UNC45A: variants seen among roughly 807,000 people sequenced by gnomAD.
The protein encoded by UNC45A is protein unc-45 homolog A.
In UNC45A, 78 loss-of-function variants were observed where a neutral mutation model predicts 103.2. The observed-to-expected ratio is 0.76, with a 90% CI of 0.63 to 0.91. UNC45A has a LOEUF of 0.91. UNC45A is among the 40% of genes least tolerant of loss of function. The pLI, the probability that UNC45A is intolerant of heterozygous loss-of-function variation, is 0.00. For synonymous variants in UNC45A, 495 were observed against 504.6 expected (o/e 0.98, Z 0.25); for missense variants, 1,193 against 1,224.8 (o/e 0.97, Z 0.39).
chr15:90,944,431 G>A (rs2036457412), intron 8 of UNC45A, among the ~76,000 whole-genome samples: 1 of 152,072 alleles, frequency 6.6e-6, no homozygotes, highest in African/African-American at 2.4e-5. Context: ...GGCCTTGCAT[G>A]AGCAGGGCCT....
Position 90,953,007 on chromosome 15 carries a change from A to C in UNC45A, c.2382A>C (p.Ala794=), listed in dbSNP as rs761278105. 1 of 1,613,652 alleles carries C rather than the reference A, an allele frequency of 6.2e-7. No homozygotes were observed. The highest frequency in any genetic ancestry group is 1.1e-5 in the South Asian group (1 of 91,088). ...AGGAGCATGAGATGATCCGCCGGGC[A>C]GCCACGGAGTGCATGTGTAACTTGG... is the stretch of plus-strand genomic sequence containing the variant. The part of the protein sequence containing the change: ...MFEEHEMIRR[A]ATECMCNLAM... Residue 794 remains alanine (A), a synonymous_variant, in exon 18 of 20, where the codon GCA becomes GCC. Coordinates refer to ENST00000418476, the MANE Select transcript of UNC45A (RefSeq NM_018671.5).
Position 90,935,301 on chromosome 15 carries a change from C to G in UNC45A, c.-24C>G. On this transcript the variant is annotated 5_prime_UTR_variant, in exon 1 of 20. Transcript: ENST00000418476. ...CCCCGCCCCAGAGACTGCGCCTGCG[C>G]GGGCACGAGACAACCTCTCCGCGAT... 6.3e-7 allele frequency: 1 copy of G among 1,594,810 alleles called. No homozygotes were observed.
Position 90,951,991 on chromosome 15 carries a change from CTACATCCTAATTT to C in UNC45A, c.2304-936_2304-924del, listed in dbSNP as rs550318154. On this transcript the variant is annotated intron_variant, in intron 17 of 19. Transcript: ENST00000418476. ...TCACCATCACGACCACCCTGGTCTT[CTACATCCTAATTT>C]TGAGCATTTCCCACAATCCTATGCT... Among the ~76,000 whole-genome samples the C allele has an allele frequency of 1.4e-4, 21 of 152,322 alleles. No homozygotes were observed. In the South Asian group the frequency reaches 3.7e-3, roughly 27 times the overall value.
At chr15:90,931,751 G>A, upstream of UNC45A, 1 of 1,614,128 alleles carries the variant, frequency 6.2e-7, no homozygotes, top group South Asian at 1.1e-5. Flanking sequence ...CAGCTTGTCT[G>A]CCAGCTTCAC....
Position 90,953,803 on chromosome 15 carries a change from G to T in UNC45A, c.*87G>T. The T allele has an allele frequency of 6.6e-7, 1 of 1,521,982 alleles. No homozygotes were observed. Among genetic ancestry groups the T allele is most frequent in the Non-Finnish European group, 8.9e-7 (1 of 1,128,502 alleles). The allele number at this position is 1,521,982 out of a possible 1,614,324, so 94.3% of individuals were successfully genotyped here. ...GACGGAAGCAGCTTTGGCTGGTGGTGGCTGGCATGCCCAATACTCTTGCCC... is the reference window on the plus strand; with the variant it reads ...GACGGAAGCAGCTTTGGCTGGTGGTTGCTGGCATGCCCAATACTCTTGCCC... On this transcript the variant is annotated 3_prime_UTR_variant, in exon 20 of 20. Transcript: ENST00000418476.
rs1357447399 is a variant in UNC45A, at chr15:90,945,027, G to C, written c.1163G>C (p.Arg388Thr). 3 of 1,612,924 alleles carry C rather than the reference G, an allele frequency of 1.9e-6. No homozygotes were observed. The African/African-American group carries it at 4.0e-5, about 22-fold the overall frequency. The change falls in exon 9 of 20, where the codon AGG (arginine) becomes ACG (threonine). Residue 388 changes from arginine to threonine, a missense_variant. By Grantham distance (71) the Arg-to-Thr change is moderately conservative. Transcript: ENST00000418476. The part of the protein sequence containing the change: ...LFDDLKCDAE[R>T]ENFHRLCENY... ...GATGACCTCAAGTGTGATGCGGAGAGGGAGAATTTCCACAGACTTTGTGAA... is the reference window on the plus strand; with the variant it reads ...GATGACCTCAAGTGTGATGCGGAGACGGAGAATTTCCACAGACTTTGTGAA...
In UNC45A at chr15:90,939,881, G is replaced by A; in HGVS notation, c.519+58G>A. 13 of 1,407,396 alleles carry A rather than the reference G, an allele frequency of 9.2e-6. No homozygotes were observed. The East Asian group carries it at 2.4e-4, about 26-fold the overall frequency. 87.2% of individuals were successfully genotyped at this position (1,407,396 alleles called of 1,614,324 possible). Reference sequence around the variant, plus strand: ...TCCCACTAGAGCCACCCATCCATAGGCCCCCGAAGCCACTGCTGCCTTGCT... The same window carrying A: ...TCCCACTAGAGCCACCCATCCATAGACCCCCGAAGCCACTGCTGCCTTGCT... On this transcript the variant is annotated intron_variant, in intron 5 of 19. Coordinates refer to ENST00000418476, the MANE Select transcript of UNC45A (RefSeq NM_018671.5).
upstream of UNC45A, chr15:90,934,375 G>A (rs1374070861): frequency 2.5e-6 from 1 of 398,936 alleles, no homozygotes; most frequent in East Asian, 3.6e-5. Flanking sequence ...CAGACCACCC[G>A]GGATGTCCAT....
chr15:90,952,866 A>G (rs913881987), intron 17 of UNC45A, 63 bp from the exon 18 acceptor site: 4 of 1,486,326 alleles, frequency 2.7e-6, no homozygotes, highest in Admixed American at 1.8e-5. Flanking sequence ...ATAGTTCAAC[A>G]TGAGGGTTAG....
At chr15:90,936,184 C>A in intron 3 of UNC45A, 101 bp from the exon 4 acceptor site, 1 of 1,531,476 alleles carries the variant, frequency 6.5e-7, no homozygotes, top group Non-Finnish European at 8.8e-7. Flanking sequence ...CACATTCGTC[C>A]CCCCCACCTT....
chr15:90,949,469 C>T, intron 14 of UNC45A, 26 bp downstream of exon 14: 1 of 1,612,210 alleles, frequency 6.2e-7, no homozygotes, highest in Non-Finnish European at 8.5e-7. Context: ...TAGGAGCCAA[C>T]CTTTCCCAAC....
upstream of UNC45A, chr15:90,931,223 G>T (rs2151347588): frequency 1.9e-6 from 3 of 1,543,650 alleles, no homozygotes; most frequent in African/African-American, 4.1e-5. Flanking sequence ...TATGAATCCT[G>T]TCCGGCCTGA....
intron 5 of UNC45A, among the ~76,000 whole-genome samples, 176 bp from the exon 6 acceptor site, chr15:90,940,130 A>G (rs1343605598): frequency 2.0e-5 from 3 of 152,194 alleles, no homozygotes; most frequent in Admixed American, 6.5e-5. Flanking sequence ...TCCCGAGAGA[A>G]GGCTCTTCCC....
In UNC45A at chr15:90,936,444, G is replaced by A. The variant is rs758006272; in HGVS notation, c.410G>A (p.Gly137Asp). ...CAGGAGGCCTTGCGGAACATCGGGG[G>A]CCAGATTCAGGAGAAGGTATGTGAG... ...VFQEALRNIGGQIQEKVRYMS... is the reference protein window; with the variant it reads ...VFQEALRNIGDQIQEKVRYMS... The change falls in exon 4 of 20, where the codon GGC becomes GAC. Residue 137 changes from glycine (G) to aspartate (D), a missense_variant. Physicochemically the swap from Gly to Asp is moderately conservative, Grantham distance 94. Transcript: ENST00000418476. 9.3e-6 allele frequency: 15 copies of A among 1,613,982 alleles called. No individual in the cohort carries two copies. In the African/African-American group the frequency reaches 1.5e-4, roughly 16 times the overall value.
At position 90,939,749 on chromosome 15, in the gene UNC45A, A is replaced by G. The variant is rs1185640159; in HGVS notation, c.445A>G (p.Thr149Ala). The G allele has an allele frequency of 1.3e-5, 21 of 1,614,090 alleles. No individual in the cohort carries two copies. In the Admixed American group the frequency reaches 3.5e-4, roughly 27 times the overall value. ...TGTCTAGGTGCGATACATGTCCTCG[A>G]CGGATGCCAAAGTGGAACAGATGTT... Reference protein sequence around the residue: ...IQEKVRYMSSTDAKVEQMFQI... With the variant: ...IQEKVRYMSSADAKVEQMFQI... The change falls in exon 5 of 20, where the codon ACG becomes GCG. Residue 149 changes from threonine to alanine, a missense_variant. Physicochemically the swap from Thr to Ala is moderately conservative, Grantham distance 58 (BLOSUM62 0). Coordinates refer to ENST00000418476, the MANE Select transcript of UNC45A (RefSeq NM_018671.5).
chr15:90,947,421 A>C, intron 10 of UNC45A: 1 of 285,894 alleles, frequency 3.5e-6, no homozygotes, highest in East Asian at 7.7e-5. Context: ...TCTCCATCCC[A>C]TAAGGATTTG....
rs1482057677 is a variant in UNC45A at position 90,950,503 on chromosome 15, T to C, written c.2191T>C (p.Tyr731His). 2.5e-6 allele frequency: 4 copies of C among 1,613,958 alleles called. No individual in the cohort carries two copies. The South Asian group carries it at 3.3e-5, about 13-fold the overall frequency. Reference sequence around the variant, plus strand: ...ACAGGTGGGGTGCACATTGCAGATCTATGAGGTGGTCCGGCCCCTCGTCTC... The same window carrying C: ...ACAGGTGGGGTGCACATTGCAGATCCATGAGGTGGTCCGGCCCCTCGTCTC... Reference protein sequence around the residue: ...PEMTFPGERIYEVVRPLVSLL... With the variant: ...PEMTFPGERIHEVVRPLVSLL... Residue 731 changes from tyrosine to histidine, a missense_variant, in exon 17 of 20, where the codon TAT (tyrosine) becomes CAT (histidine). Coordinates refer to ENST00000418476, the MANE Select transcript of UNC45A (RefSeq NM_018671.5).
chr15:90,949,136 A>T (rs1462706941), intron 13 of UNC45A, among the ~76,000 whole-genome samples, 180 bp from the exon 14 acceptor site: 6 of 152,068 alleles, frequency 3.9e-5, no homozygotes, highest in Non-Finnish European at 8.8e-5. Context: ...TCAGCCTCCC[A>T]AAGTGCTGGG....
chr15:90,931,710 G>C (rs761245831), upstream of UNC45A: 15 of 1,613,952 alleles, frequency 9.3e-6, no homozygotes, highest in South Asian at 1.5e-4. Context: ...GTACCCTCTG[G>C]GGTGCAGCGA....
Sources: allele counts gnomAD v4.1 joint callset (sites outside exome capture counted in the v4.1 genomes callset), GRCh38; gene constraint gnomAD v4.1.1; transcripts MANE v1.5; gene names NCBI Gene and HGNC (gene_info 2026-07-23, HGNC 2026-07-21).